The following ERAP1 variants were observed in gnomAD, a reference collection of about 807,000 sequenced individuals.
ERAP1 encodes adipocyte-derived leucine aminopeptidase.
In ERAP1, 86 loss-of-function variants were observed where a neutral mutation model predicts 103.7. That is an observed-to-expected ratio of 0.83 (90% CI 0.70 to 0.99). The LOEUF (loss-of-function observed/expected upper bound fraction) is 0.99. ERAP1 is among the 50% of genes least tolerant of loss of function. ERAP1 has a pLI of 0.00. For missense variants in ERAP1, 1,009 were observed against 1,128.4 expected, an observed-to-expected ratio of 0.89 and a Z score of 1.52; for synonymous variants, 398 against 402.4, an observed-to-expected ratio of 0.99 and a Z score of 0.13.
At chr5:96,924,059 T>G in the ERAP1 span, among the ~76,000 whole-genome samples, 1 of 152,196 alleles carries the variant, frequency 6.6e-6, no homozygotes, top group Non-Finnish European at 1.5e-5. Context: ...TAAATATTTG[T>G]CGGCTGTAAA....
chr5:96,788,550 C>T lies in ERAP1; in HGVS notation c.1660G>A (p.Asp554Asn). 1 of 1,614,214 alleles carries T rather than the reference C, an allele frequency of 6.2e-7. No individual in the cohort carries two copies. The highest frequency in any genetic ancestry group is 8.5e-7 in the Non-Finnish European group (1 of 1,180,034). The change falls in exon 11 of 19, where the codon GAC becomes AAC. Residue 554 changes from aspartate to asparagine, a missense_variant. By Grantham distance (23) the Asp-to-Asn change is conservative (BLOSUM62 1). Transcript: ENST00000443439. ...CATTACCCAGTGTCCGGGGCGCCGT[C>T]AGAGCCCTTCATGTAGTGCTCTTGC... Reference protein sequence around the residue: ...MKQEHYMKGSDGAPDTGYLWH... With the variant: ...MKQEHYMKGSNGAPDTGYLWH...
In ERAP1 at chr5:96,775,548, A is replaced by T; in HGVS notation, c.*848T>A. 1 of 960,192 alleles carries T rather than the reference A, an allele frequency of 1.0e-6. No individual in the cohort carries two copies. The highest frequency in any genetic ancestry group is 1.8e-5 in the African/African-American group (1 of 56,700). 59.5% of individuals were successfully genotyped at this position (960,192 alleles called of 1,614,324 possible). A position where few individuals can be genotyped will look rare whatever the true frequency, so the allele number is the denominator to read the frequency against. ...AAATAGATGACACTCACTCAGAATT[A>T]TCTGAGGAGGGTTCTATAAAAAGAT... On this transcript the variant is annotated 3_prime_UTR_variant, in exon 19 of 19. Transcript: ENST00000443439.
the ERAP1 span, chr5:96,902,607 T>A: frequency 8.5e-6 from 3 of 353,796 alleles, no homozygotes. Context: ...GAAATCTATC[T>A]TATGTCTTAT....
chr5:96,815,743 T>G, the ERAP1 span, among the ~76,000 whole-genome samples: 1 of 152,176 alleles, frequency 6.6e-6, no homozygotes, highest in East Asian at 1.9e-4. Context: ...ACTGTTTTTG[T>G]AAGCAGTAAT....
upstream of ERAP1, among the ~76,000 whole-genome samples, chr5:96,810,135 C>T (rs879277470): frequency 6.6e-6 from 1 of 152,154 alleles, no homozygotes; most frequent in Admixed American, 6.5e-5. Flanking sequence ...TCGCCCTGGC[C>T]GTGATTTCGT....
At chr5:96,929,681 T>C in the ERAP1 span, among the ~76,000 whole-genome samples, 178 of 152,330 alleles carry the variant, frequency 1.2e-3, no homozygotes, top group African/African-American at 4.1e-3. Flanking sequence ...GATCTCCTGG[T>C]CCTCTGTAAT....
At chr5:96,907,775 C>T in the ERAP1 span, among the ~76,000 whole-genome samples, 1 of 151,982 alleles carries the variant, frequency 6.6e-6, no homozygotes, top group African/African-American at 2.4e-5. Context: ...CCCAGCTACT[C>T]AGGAGGCTGA....
the ERAP1 span, among the ~76,000 whole-genome samples, chr5:96,860,121 G>C: frequency 3.3e-5 from 5 of 152,006 alleles, no homozygotes; most frequent in Non-Finnish European, 2.9e-5. Flanking sequence ...GAGCACAGTG[G>C]CATGATCTCG....
At chr5:96,811,137 G>A (rs76753097), upstream of ERAP1, among the ~76,000 whole-genome samples, 107 of 152,038 alleles carry the variant, frequency 7.0e-4, no homozygotes, top group Non-Finnish European at 1.3e-3. Flanking sequence ...CCTCATTCTT[G>A]ATATTCTTGA....
At chr5:96,848,670 C>T in the ERAP1 span, 5 of 152,144 alleles carry the variant, frequency 3.3e-5, no homozygotes, top group Admixed American at 1.3e-4. Flanking sequence ...AGACCTAGGA[C>T]GAGATGGCTT....
At chr5:96,868,800 C>CT in the ERAP1 span, among the ~76,000 whole-genome samples, 6 of 152,146 alleles carry the variant, frequency 3.9e-5, no homozygotes, top group African/African-American at 1.4e-4. Flanking sequence ...AAGGCATACT[C>CT]TGAGAATCAC....
the ERAP1 span, chr5:96,822,884 C>T: frequency 2.8e-6 from 1 of 352,644 alleles, no homozygotes; most frequent in East Asian, 7.6e-5. Context: ...TGGGTCGTCT[C>T]CTTAGGGTCA....
Position 96,785,826 on chromosome 5 carries a change from A to C in ERAP1, c.1905T>G (p.Asp635Glu). The C allele has an allele frequency of 6.2e-7, 1 of 1,614,156 alleles. No individual in the cohort carries two copies. Among genetic ancestry groups the C allele is most frequent in the Non-Finnish European group, 8.5e-7 (1 of 1,180,010 alleles). ...ATGCATTGTTAATGAGACTCGCCCG[A>C]TCATTACTGCTGACTGCTGTGTGTG... is the stretch of plus-strand genomic sequence containing the variant. The part of the protein sequence containing the change: ...KGTHTAVSSN[D>E]RASLINNAFQ... Residue 635 changes from aspartate (D) to glutamate (E), a missense_variant, in exon 13 of 19, where the codon GAT (aspartate) becomes GAG (glutamate). By Grantham distance (45) the Asp-to-Glu change is conservative. Coordinates refer to ENST00000443439, the MANE Select transcript of ERAP1 (RefSeq NM_001040458.3).
chr5:96,785,805 AT>A lies in ERAP1; in HGVS notation c.1925del (p.Asn642MetfsTer23), dbSNP rs1188409209. On this transcript the variant is annotated frameshift_variant, in exon 13 of 19. Transcript: ENST00000443439. LOFTEE classifies it high-confidence loss of function. Reference sequence around the variant, plus strand: ...TGTATTACCTGACGAGCTGAAATGCATTGTTAATGAGACTCGCCCGATCATT... The same window carrying A: ...TGTATTACCTGACGAGCTGAAATGCATGTTAATGAGACTCGCCCGATCATT... ...SSNDRASLIN[N>X]AFQLVSIGKL... is the part of the protein sequence containing the mutation. The A allele has an allele frequency of 6.2e-7, 1 of 1,614,046 alleles. No individual in the cohort carries two copies. Among genetic ancestry groups the A allele is most frequent in the African/African-American group, 1.3e-5 (1 of 74,920 alleles).
chr5:96,814,098 A>G, the ERAP1 span: 4 of 342,250 alleles, frequency 1.2e-5, no homozygotes, highest in Non-Finnish European at 1.7e-5. Context: ...TGCAATCAAG[A>G]TGATGACTGG....
chr5:96,814,248 C>T, the ERAP1 span: 3 of 456,166 alleles, frequency 6.6e-6, no homozygotes, highest in South Asian at 4.6e-5. Flanking sequence ...AGGCTGCTCT[C>T]AGATATGACT....
chr5:96,892,196 G>A, the ERAP1 span: 1 of 1,185,740 alleles, frequency 8.4e-7, no homozygotes, highest in Non-Finnish European at 1.2e-6. Flanking sequence ...CAAAAAGTCT[G>A]CTTAAATATG....
At chr5:96,874,164 A>G in the ERAP1 span, among the ~76,000 whole-genome samples, 1 of 92,760 alleles carries the variant, frequency 1.1e-5, no homozygotes, top group Non-Finnish European at 2.2e-5. Flanking sequence ...GAAAGAAAGA[A>G]AGAAAGAAAG....
the ERAP1 span, chr5:96,935,769 G>A: frequency 0.012 from 2,611 of 212,584 alleles, 78 homozygotes; most frequent in African/African-American, 0.055. Context: ...CTCGGCGTCC[G>A]GGATCGGGCG....
Sources: gnomAD v4.1 joint callset for allele counts (sites outside exome capture counted in the v4.1 genomes callset) on GRCh38, gnomAD v4.1.1 for gene constraint, MANE v1.5 for transcripts, NCBI Gene and HGNC (gene_info 2026-07-23, HGNC 2026-07-21) for gene names.